Variants in METAP2 observed in about 807,000 individuals in gnomAD.
METAP2 encodes methionine aminopeptidase 2.
In METAP2, 25 loss-of-function variants were observed where a neutral mutation model predicts 59.4. The observed-to-expected ratio is 0.42, with a 90% CI of 0.31 to 0.59. METAP2 has a LOEUF of 0.59. Ranked by LOEUF, METAP2 falls within the 20% of genes least tolerant of loss-of-function variation. The pLI is 0.16. For missense variants in METAP2, 366 were observed against 581.2 expected, an observed-to-expected ratio of 0.63 and a Z score of 3.81; for synonymous variants, 214 against 194.1, an observed-to-expected ratio of 1.10 and a Z score of -0.85.
intron 3 of METAP2, among the ~76,000 whole-genome samples, chr12:95,483,916 TTTATTA>T (rs995441072): frequency 4.6e-5 from 7 of 152,196 alleles, no homozygotes; most frequent in African/African-American, 1.7e-4. Context: ...ATGGTGAGAC[TTTATTA>T]TTAATAATAA....
intron 8 of METAP2, 81 bp downstream of exon 8, chr12:95,504,242 C>T (rs2076339727): frequency 2.2e-6 from 2 of 896,246 alleles, no homozygotes; most frequent in South Asian, 3.1e-5. Flanking sequence ...TCAGCTGCTT[C>T]ATGTTTCTAT....
At chr12:95,482,616 TAA>T (rs55652210) in intron 2 of METAP2, among the ~76,000 whole-genome samples, 6,912 of 130,032 alleles carry the variant, frequency 0.053, 219 homozygotes, top group Non-Finnish European at 0.075. Flanking sequence ...CCATCTCTAC[TAA>T]AAAAAAAAAA....
intron 7 of METAP2, among the ~76,000 whole-genome samples, chr12:95,501,007 A>ATTTTTTTTTTTT (rs540202398): frequency 9.7e-6 from 1 of 103,564 alleles, no homozygotes; most frequent in Non-Finnish European, 1.9e-5. Flanking sequence ...CTTTGTTGGG[A>ATTTTTTTTTTTT]TTTTTTTTTT....
rs114919809 is a variant in METAP2 at position 95,496,804 on chromosome 12, A to G, written c.867+706A>G. Among the ~76,000 whole-genome samples, 1,263 of 143,720 alleles carry G rather than the reference A, an allele frequency of 8.8e-3. 23 individuals are homozygous for G. The highest frequency in any genetic ancestry group is 0.031 in the African/African-American group (1,205 of 38,552). 94.3% of individuals were successfully genotyped at this position (143,720 alleles called of 152,430 possible). A position where few individuals can be genotyped will look rare whatever the true frequency, so the allele number is the denominator to read the frequency against. On this transcript the variant is annotated intron_variant, in intron 7 of 10. Transcript: ENST00000323666. ...AAATAGACATTACATAAAATTTACC[A>G]TATTAACTTTTTCTTTCTTTTTTTT...
At chr12:95,485,495 T>C (rs2076189561) in intron 3 of METAP2, among the ~76,000 whole-genome samples, 1 of 152,028 alleles carries the variant, frequency 6.6e-6, no homozygotes, top group South Asian at 2.1e-4. Flanking sequence ...TTTATTAATA[T>C]ATATTAGGTT....
chr12:95,486,579 C>T (rs1341627989), intron 4 of METAP2, among the ~76,000 whole-genome samples: 11 of 151,758 alleles, frequency 7.2e-5, no homozygotes, highest in Non-Finnish European at 2.9e-5. Context: ...CTCACTGCAA[C>T]CTCTGCCTCC....
At chr12:95,480,459 G>A (rs2076150537) in intron 2 of METAP2, among the ~76,000 whole-genome samples, 1 of 152,144 alleles carries the variant, frequency 6.6e-6, no homozygotes, top group South Asian at 2.1e-4. Flanking sequence ...TTCCAAAGTG[G>A]CTATGCTGTT....
At chr12:95,482,537 G>C (rs796611744) in intron 2 of METAP2, among the ~76,000 whole-genome samples, 2 of 151,988 alleles carry the variant, frequency 1.3e-5, no homozygotes, top group African/African-American at 4.8e-5. Flanking sequence ...CCCAGGACTT[G>C]GGAGGCCAAG....
chr12:95,492,550 ATTTTTAT>A (rs1021072334), intron 4 of METAP2, among the ~76,000 whole-genome samples: 8 of 151,614 alleles, frequency 5.3e-5, no homozygotes, highest in South Asian at 4.2e-4. Flanking sequence ...TTTATTATTT[ATTTTTAT>A]TTTTTATTTT....
intron 2 of METAP2, among the ~76,000 whole-genome samples, chr12:95,477,045 G>A (rs2076125105): frequency 6.6e-6 from 1 of 152,114 alleles, no homozygotes; most frequent in African/African-American, 2.4e-5. Context: ...AATATGTGTA[G>A]AATAGAGCCA....
intron 8 of METAP2, among the ~76,000 whole-genome samples, chr12:95,505,504 G>T (rs2076351881): frequency 6.7e-6 from 1 of 150,064 alleles, no homozygotes; most frequent in Non-Finnish European, 1.5e-5. Context: ...TTTTTTTTTT[G>T]AGATGGAGTC....
At chr12:95,500,713 C>G (rs971255002) in intron 7 of METAP2, among the ~76,000 whole-genome samples, 6 of 152,162 alleles carry the variant, frequency 3.9e-5, no homozygotes, top group African/African-American at 9.7e-5. Flanking sequence ...GTTGAACCAT[C>G]TTTGGAATAA....
At chr12:95,507,940 A>ATTT (rs372529582) in intron 8 of METAP2, among the ~76,000 whole-genome samples, 3,122 of 130,166 alleles carry the variant, frequency 0.024, 142 homozygotes, top group African/African-American at 0.087. Context: ...ACGCCCAGCA[A>ATTT]TTTTTTTTTT....
chr12:95,493,627 T>C (rs959448472), intron 4 of METAP2, among the ~76,000 whole-genome samples: 1 of 152,212 alleles, frequency 6.6e-6, no homozygotes, highest in South Asian at 2.1e-4. Flanking sequence ...TCCAAGTCAG[T>C]TTCTTGGGTT....
intron 2 of METAP2, among the ~76,000 whole-genome samples, chr12:95,482,823 AC>A (rs1220762384): frequency 1.4e-4 from 22 of 152,136 alleles, no homozygotes; most frequent in Middle Eastern, 3.2e-3. Context: ...GGCAATTTTG[AC>A]CAAAAATGGT....
intron 2 of METAP2, among the ~76,000 whole-genome samples, chr12:95,479,221 G>A (rs1018779752): frequency 6.6e-6 from 1 of 152,210 alleles, no homozygotes; most frequent in African/African-American, 2.4e-5. Context: ...TGGTAATGAA[G>A]ATGTAAACTG....
chr12:95,504,796 T>C (rs1413489592), intron 8 of METAP2, among the ~76,000 whole-genome samples: 2 of 152,222 alleles, frequency 1.3e-5, no homozygotes, highest in Non-Finnish European at 2.9e-5. Context: ...GAGCCACTGC[T>C]CCTAGCCTGT....
At chr12:95,479,052 G>A (rs768016196) in intron 2 of METAP2, among the ~76,000 whole-genome samples, 1 of 152,054 alleles carries the variant, frequency 6.6e-6, no homozygotes, top group Non-Finnish European at 1.5e-5. Flanking sequence ...ACTCCAACCT[G>A]GGTAACATAG....
At chr12:95,500,463 T>C (rs768596973) in intron 7 of METAP2, among the ~76,000 whole-genome samples, 1 of 152,198 alleles carries the variant, frequency 6.6e-6, no homozygotes, top group Non-Finnish European at 1.5e-5. Context: ...CTTGACTTGT[T>C]TGTGATCTTA....
Sources: gnomAD v4.1 joint callset for allele counts (sites outside exome capture counted in the v4.1 genomes callset) on GRCh38, gnomAD v4.1.1 for gene constraint, MANE v1.5 for transcripts, NCBI Gene and HGNC (gene_info 2026-07-23, HGNC 2026-07-21) for gene names.